The following DLGAP2 variants were observed in gnomAD, a reference collection of about 807,000 sequenced individuals.
DLGAP2 encodes disks large-associated protein 2.
DLGAP2 carries 26 observed loss-of-function variants against 100.3 expected under a neutral mutation model. The ratio of observed to expected loss-of-function variants is 0.26; its 90% CI spans 0.19 to 0.36. DLGAP2 has a LOEUF of 0.36. Among genes scored for constraint, DLGAP2 ranks in the 10% least tolerant of loss-of-function variants. The probability of loss-of-function intolerance (pLI) is 1.00; values close to 1 mark genes in which losing one functional copy is unlikely to be tolerated. For synonymous variants in DLGAP2, 886 were observed against 630.1 expected, an observed-to-expected ratio of 1.41 and a Z score of -6.08; for missense variants, 1,858 against 1,453.2, an observed-to-expected ratio of 1.28 and a Z score of -4.53.
chr8:1,531,626 A>G (rs1563204476), intron 4 of DLGAP2, among the ~76,000 whole-genome samples: 1 of 152,176 alleles, frequency 6.6e-6, no homozygotes, highest in Admixed American at 6.5e-5. Context: ...AAGTAGATAT[A>G]TTAGTGTTTA....
At chr8:1,017,518 C>CGGT (rs1368559020) in intron 2 of DLGAP2, among the ~76,000 whole-genome samples, 10 of 96,388 alleles carry the variant, frequency 1.0e-4, no homozygotes, top group African/African-American at 3.3e-4. Context: ...CCAGGACAGA[C>CGGT]GCCTCCACTG....
chr8:1,505,290 C>T (rs1332447745), intron 4 of DLGAP2, among the ~76,000 whole-genome samples: 1 of 152,196 alleles, frequency 6.6e-6, no homozygotes, highest in African/African-American at 2.4e-5. Context: ...ACTATCATTT[C>T]CAAAATGCTG....
intron 3 of DLGAP2, among the ~76,000 whole-genome samples, chr8:1,353,065 G>A (rs77234101): frequency 0.013 from 1,984 of 152,286 alleles, 51 homozygotes; most frequent in African/African-American, 0.045. Flanking sequence ...GAGCTGCCTT[G>A]AACAGCAAGA....
intron 3 of DLGAP2, among the ~76,000 whole-genome samples, chr8:1,380,719 T>C (rs537681525): frequency 2.6e-4 from 39 of 152,146 alleles, no homozygotes; most frequent in Non-Finnish European, 4.6e-4. Context: ...AATTCTTTAA[T>C]TACACGCTTG....
chr8:1,523,189 C>T (rs1323432074), intron 4 of DLGAP2, among the ~76,000 whole-genome samples: 1 of 152,210 alleles, frequency 6.6e-6, no homozygotes, highest in East Asian at 1.9e-4. Flanking sequence ...GTGGTCCGGG[C>T]CCATGGTCCT....
chr8:1,591,104 C>G (rs939282272), intron 6 of DLGAP2, among the ~76,000 whole-genome samples: 4 of 152,342 alleles, frequency 2.6e-5, no homozygotes, highest in Admixed American at 6.5e-5. Context: ...TGGGTGCACT[C>G]AATCTCAGGT....
intron 3 of DLGAP2, among the ~76,000 whole-genome samples, chr8:1,495,153 A>G (rs568459656): frequency 4.9e-4 from 74 of 152,276 alleles, no homozygotes; most frequent in East Asian, 1.5e-3. Flanking sequence ...GTCAAGGTCA[A>G]TGGAGTCCTG....
intron 7 of DLGAP2, among the ~76,000 whole-genome samples, chr8:1,632,220 A>G (rs1797664634): frequency 6.6e-6 from 1 of 152,236 alleles, no homozygotes; most frequent in Non-Finnish European, 1.5e-5. Context: ...CATGTGGACG[A>G]AAACACCAGT....
intron 2 of DLGAP2, among the ~76,000 whole-genome samples, chr8:1,191,359 A>G (rs1252920123): frequency 6.6e-6 from 1 of 151,972 alleles, no homozygotes; most frequent in East Asian, 1.9e-4. Flanking sequence ...TTTGGTAGAG[A>G]CGGGATTTCA....
intron 2 of DLGAP2, among the ~76,000 whole-genome samples, chr8:1,107,531 G>A (rs985696515): frequency 7.2e-5 from 11 of 152,218 alleles, no homozygotes; most frequent in African/African-American, 1.9e-4. Context: ...GGCCCCTCGC[G>A]TGGGAAGCTC....
chr8:1,437,855 A>T (rs1034817102), intron 3 of DLGAP2, among the ~76,000 whole-genome samples: 38 of 149,688 alleles, frequency 2.5e-4, no homozygotes, highest in Middle Eastern at 3.5e-3. Flanking sequence ...GCGTGATGTC[A>T]TGTGCCTGTA....
intron 2 of DLGAP2, among the ~76,000 whole-genome samples, chr8:953,224 T>C (rs913472455): frequency 2.6e-5 from 4 of 152,180 alleles, no homozygotes; most frequent in African/African-American, 9.7e-5. Flanking sequence ...AGATGGAGTT[T>C]CGCTCCATTG....
chr8:1,186,125 C>G (rs1174680372), intron 2 of DLGAP2, among the ~76,000 whole-genome samples: 1 of 152,188 alleles, frequency 6.6e-6, no homozygotes, highest in Non-Finnish European at 1.5e-5. Flanking sequence ...CAAGGTGCTT[C>G]TCGCTTTGCG....
At chr8:1,551,832 A>G (rs1286347209) in intron 5 of DLGAP2, among the ~76,000 whole-genome samples, 1 of 152,146 alleles carries the variant, frequency 6.6e-6, no homozygotes, top group African/African-American at 2.4e-5. Flanking sequence ...AACCACCTGC[A>G]TTATATCATC....
At chr8:1,412,010 T>C (rs1162878367) in intron 3 of DLGAP2, among the ~76,000 whole-genome samples, 1 of 152,212 alleles carries the variant, frequency 6.6e-6, no homozygotes, top group Non-Finnish European at 1.5e-5. Flanking sequence ...ACAGATGCCA[T>C]GGGCAGGTGA....
chr8:860,909 G>T (rs896587319), intron 1 of DLGAP2, among the ~76,000 whole-genome samples: 13 of 152,128 alleles, frequency 8.5e-5, no homozygotes, highest in African/African-American at 2.9e-4. Flanking sequence ...GAGGAGCAAT[G>T]GGCATTCTCT....
intron 2 of DLGAP2, among the ~76,000 whole-genome samples, chr8:1,040,526 G>A (rs1262892901): frequency 4.1e-5 from 6 of 147,306 alleles, no homozygotes; most frequent in African/African-American, 1.0e-4. Flanking sequence ...CTCGGTTTCC[G>A]TGGTCGGCTC....
chr8:1,362,176 A>T (rs1801996766), intron 3 of DLGAP2, among the ~76,000 whole-genome samples: 1 of 152,122 alleles, frequency 6.6e-6, no homozygotes, highest in African/African-American at 2.4e-5. Context: ...CGGCACTGGC[A>T]GGGGAGGGCA....
intron 2 of DLGAP2, among the ~76,000 whole-genome samples, chr8:1,031,963 C>T (rs1251624140): frequency 6.6e-6 from 1 of 152,192 alleles, no homozygotes; most frequent in Admixed American, 6.5e-5. Context: ...GTAGGGTTTG[C>T]ATTCTAGCGA....
Sources: gnomAD v4.1 joint callset for allele counts (sites outside exome capture counted in the v4.1 genomes callset) on GRCh38, gnomAD v4.1.1 for gene constraint, MANE v1.5 for transcripts, NCBI Gene and HGNC (gene_info 2026-07-23, HGNC 2026-07-21) for gene names.